The following RTF1 variants were observed in gnomAD, a reference collection of about 807,000 sequenced individuals.
RTF1 encodes RNA polymerase-associated protein RTF1 homolog.
Under a neutral mutation model 95.7 loss-of-function variants are expected in RTF1, and 10 were observed. The observed-to-expected ratio is 0.10, with a 90% CI of 0.06 to 0.18. RTF1 has a LOEUF of 0.18. Ranked by LOEUF, RTF1 falls within the 10% of genes least tolerant of loss-of-function variation. The pLI is 1.00. For synonymous variants in RTF1, 305 were observed against 311.8 expected (o/e 0.98, Z 0.23); for missense variants, 458 against 875.6 (o/e 0.52, Z 6.02).
At chr15:41,448,366 T>A (rs34473866) in intron 2 of RTF1, among the ~76,000 whole-genome samples, 218 of 151,970 alleles carry the variant, frequency 1.4e-3, no homozygotes, top group African/African-American at 5.0e-3. Context: ...AAATAAAATT[T>A]AAAAAAATGG....
intron 1 of RTF1, among the ~76,000 whole-genome samples, chr15:41,431,774 C>T (rs1054052412): frequency 6.6e-6 from 1 of 151,740 alleles, no homozygotes; most frequent in Non-Finnish European, 1.5e-5. Flanking sequence ...GCTAGGACTA[C>T]AGTTGTGAGC....
chr15:41,451,155 G>C (rs2050787803), intron 2 of RTF1, among the ~76,000 whole-genome samples: 1 of 152,054 alleles, frequency 6.6e-6, no homozygotes, highest in Non-Finnish European at 1.5e-5. Flanking sequence ...GAAATAGGAG[G>C]TTAATTTCTC....
chr15:41,439,459 C>G (rs1397497380), intron 2 of RTF1, among the ~76,000 whole-genome samples: 1 of 152,086 alleles, frequency 6.6e-6, no homozygotes, highest in Non-Finnish European at 1.5e-5. Flanking sequence ...AAGATTGATT[C>G]AACATCCCTC....
intron 1 of RTF1, among the ~76,000 whole-genome samples, chr15:41,430,939 G>A (rs1359934973): frequency 6.6e-6 from 1 of 151,996 alleles, no homozygotes; most frequent in African/African-American, 2.4e-5. Flanking sequence ...GTCTTGCACT[G>A]TCGCCCGGGC....
intron 1 of RTF1, among the ~76,000 whole-genome samples, chr15:41,432,684 A>C (rs1477362186): frequency 3.3e-5 from 5 of 151,038 alleles, no homozygotes; most frequent in African/African-American, 1.2e-4. Context: ...CACACCTGTA[A>C]TCCCAGCACT....
chr15:41,471,340 A>G lies in RTF1; in HGVS notation c.1194A>G (p.Pro398=), dbSNP rs2050910530. ...RIGIGNHNSK[P]VYRVAEITGV... is the part of the protein sequence containing the mutation. Reference sequence around the variant, plus strand: ...GCATCGGAAACCACAACAGCAAACCAGTTTACCGGGTTGGTATTTCTTCCC... The same window carrying G: ...GCATCGGAAACCACAACAGCAAACCGGTTTACCGGGTTGGTATTTCTTCCC... Residue 398 remains proline (P), a synonymous_variant, in exon 8 of 18, where the codon CCA becomes CCG. Coordinates refer to ENST00000389629, the MANE Select transcript of RTF1 (RefSeq NM_015138.5). The G allele has an allele frequency of 6.2e-7, 1 of 1,609,640 alleles. No individual in the cohort carries two copies. The highest frequency in any genetic ancestry group is 8.5e-7 in the Non-Finnish European group (1 of 1,178,384).
chr15:41,458,650 G>A (rs1051459231), intron 4 of RTF1, among the ~76,000 whole-genome samples: 7 of 152,004 alleles, frequency 4.6e-5, no homozygotes, highest in African/African-American at 9.7e-5. Context: ...TCAGGAGGCC[G>A]AGGCAGGAGA....
intron 5 of RTF1, 74 bp from the exon 6 acceptor site, chr15:41,466,067 T>A: frequency 1.0e-6 from 1 of 975,468 alleles, no homozygotes; most frequent in South Asian, 1.9e-5. Flanking sequence ...GAGGACTAAA[T>A]GCATTAAGTA....
chr15:41,429,911 C>T (rs1188569823), intron 1 of RTF1, among the ~76,000 whole-genome samples: 3 of 151,836 alleles, frequency 2.0e-5, no homozygotes, highest in Non-Finnish European at 4.4e-5. Context: ...TGTTTGTCTC[C>T]CATACTTGAT....
At position 41,457,446 on chromosome 15, in the gene RTF1, T is replaced by G. The variant is rs554777848; in HGVS notation, c.458-226T>G. 7.2e-5 allele frequency among the ~76,000 whole-genome samples: 11 copies of G among 151,764 alleles called. No homozygotes were observed. In the South Asian group the frequency reaches 2.3e-3, roughly 32 times the overall value. On this transcript the variant is annotated intron_variant, in intron 3 of 17. Transcript: ENST00000389629. Reference sequence around the variant, plus strand: ...TACTTGGGAGGCTGAGGCAGGAGAATCGCTTGAACCCGGGAGGTGGAGGAG... The same window carrying G: ...TACTTGGGAGGCTGAGGCAGGAGAAGCGCTTGAACCCGGGAGGTGGAGGAG...
intron 1 of RTF1, among the ~76,000 whole-genome samples, chr15:41,434,792 T>C (rs1202008176): frequency 6.6e-6 from 1 of 151,520 alleles, no homozygotes; most frequent in East Asian, 1.9e-4. Flanking sequence ...CATGCCCGGC[T>C]AATTTTTTGT....
chr15:41,439,627 A>G (rs1179291755), intron 2 of RTF1, among the ~76,000 whole-genome samples: 3 of 152,144 alleles, frequency 2.0e-5, no homozygotes, highest in African/African-American at 7.2e-5. Flanking sequence ...AAACACTTCT[A>G]CATGTTTCTC....
chr15:41,444,386 T>C (rs1391950797), intron 2 of RTF1, among the ~76,000 whole-genome samples: 1 of 151,854 alleles, frequency 6.6e-6, no homozygotes, highest in Non-Finnish European at 1.5e-5. Context: ...CTCCGCCTCC[T>C]GGGCTCAAGA....
At chr15:41,453,910 CAT>C (rs754240945) in intron 3 of RTF1, among the ~76,000 whole-genome samples, 1 of 152,176 alleles carries the variant, frequency 6.6e-6, no homozygotes, top group Non-Finnish European at 1.5e-5. Context: ...GTTTTGAGCA[CAT>C]GCCTATGAAT....
chr15:41,472,753 G>A (rs2140653508), intron 8 of RTF1, among the ~76,000 whole-genome samples: 1 of 151,336 alleles, frequency 6.6e-6, no homozygotes, highest in South Asian at 2.1e-4. Context: ...CCAGGCTGGA[G>A]TTCAGTGGCA....
At chr15:41,460,109 GT>G (rs2050839699) in intron 4 of RTF1, among the ~76,000 whole-genome samples, 1 of 80,672 alleles carries the variant, frequency 1.2e-5, no homozygotes, top group African/African-American at 7.9e-5. Flanking sequence ...TTTGATTTTT[GT>G]TTTTGTTTTT....
chr15:41,480,120 C>T (rs1483155628), intron 16 of RTF1, 94 bp from the exon 17 acceptor site: 12 of 783,166 alleles, frequency 1.5e-5, no homozygotes, highest in Admixed American at 4.4e-5. Flanking sequence ...ATCTAATGAA[C>T]TCAAATAAGA....
chr15:41,478,537 T>C lies in RTF1; in HGVS notation c.1741-11T>C. On this transcript the variant is annotated splice_polypyrimidine_tract_variant and intron_variant, in intron 14 of 17. Transcript: ENST00000389629. ...GAGGTGCAGTTCTGTGGTGCATGCT[T>C]TCTGTTTCAGGCTGAAAGTCACAAC... 1 of 1,613,128 alleles carries C rather than the reference T, an allele frequency of 6.2e-7. No individual in the cohort carries two copies. Among genetic ancestry groups the C allele is most frequent in the South Asian group, 1.1e-5 (1 of 91,028 alleles).
intron 1 of RTF1, among the ~76,000 whole-genome samples, chr15:41,418,889 C>T (rs2050586124): frequency 6.6e-6 from 1 of 151,682 alleles, no homozygotes; most frequent in East Asian, 1.9e-4. Context: ...GAGTCTCGCA[C>T]TGTCGCCCAG....
Sources: gnomAD v4.1 joint callset for allele counts (sites outside exome capture counted in the v4.1 genomes callset) on GRCh38, gnomAD v4.1.1 for gene constraint, MANE v1.5 for transcripts, NCBI Gene and HGNC (gene_info 2026-07-23, HGNC 2026-07-21) for gene names.